CTNNA3: variants seen among roughly 807,000 people sequenced by gnomAD.
CTNNA3 encodes the protein catenin alpha 3.
CTNNA3 carries 76 observed loss-of-function variants against 95.7 expected under a neutral mutation model. The ratio of observed to expected loss-of-function variants is 0.79; its 90% CI spans 0.66 to 0.96. The LOEUF is 0.96. CTNNA3 is among the 40% of genes least tolerant of loss of function. The pLI, the probability that CTNNA3 is intolerant of heterozygous loss-of-function variation, is 0.00. For synonymous variants in CTNNA3, 431 were observed against 374.4 expected, an observed-to-expected ratio of 1.15 and a Z score of -1.74; for missense variants, 1,191 against 1,089.8, an observed-to-expected ratio of 1.09 and a Z score of -1.31.
At chr10:67,154,278 A>G (rs1861205054) in intron 7 of CTNNA3, among the ~76,000 whole-genome samples, 1 of 152,166 alleles carries the variant, frequency 6.6e-6, no homozygotes, top group Non-Finnish European at 1.5e-5. Flanking sequence ...ATCTTAAAAT[A>G]TATCGTTAAT....
At chr10:67,594,075 T>G (rs1842864399) in intron 3 of CTNNA3, among the ~76,000 whole-genome samples, 2 of 152,250 alleles carry the variant, frequency 1.3e-5, no homozygotes, top group African/African-American at 4.8e-5. Context: ...TTGTATATGT[T>G]GAACGGAACT....
intron 5 of CTNNA3, among the ~76,000 whole-genome samples, chr10:67,270,585 G>GCTGT (rs536306684): frequency 6.8e-4 from 103 of 152,132 alleles, no homozygotes; most frequent in Non-Finnish European, 1.1e-3. Flanking sequence ...TAATATAAGG[G>GCTGT]CTGTCTTAAG....
intron 12 of CTNNA3, among the ~76,000 whole-genome samples, chr10:66,326,449 G>A (rs922983552): frequency 6.6e-6 from 1 of 152,012 alleles, no homozygotes; most frequent in Non-Finnish European, 1.5e-5. Context: ...TATTCAAAAA[G>A]TACACTAACT....
intron 9 of CTNNA3, among the ~76,000 whole-genome samples, chr10:66,737,924 T>C (rs939840422): frequency 1.3e-5 from 2 of 152,224 alleles, no homozygotes; most frequent in Admixed American, 6.5e-5. Flanking sequence ...CCCAAAGTGC[T>C]GGGATTACAG....
intron 14 of CTNNA3, among the ~76,000 whole-genome samples, chr10:66,090,566 A>C: frequency 6.6e-6 from 1 of 152,054 alleles, no homozygotes; most frequent in East Asian, 1.9e-4. Flanking sequence ...CAATGACAGC[A>C]GTTAGTAAGT....
At chr10:67,426,979 T>G (rs922396408) in intron 5 of CTNNA3, among the ~76,000 whole-genome samples, 24 of 152,078 alleles carry the variant, frequency 1.6e-4, no homozygotes, top group Admixed American at 1.3e-3. Flanking sequence ...ACAGTTAACT[T>G]AATTTTGAAG....
chr10:67,755,447 A>G (rs752327331), intron 1 of CTNNA3, among the ~76,000 whole-genome samples: 7 of 152,150 alleles, frequency 4.6e-5, no homozygotes, highest in Non-Finnish European at 7.4e-5. Context: ...AGGTTCCTCA[A>G]AAGACTAAAA....
chr10:67,314,893 G>A (rs76743714), intron 5 of CTNNA3, among the ~76,000 whole-genome samples: 15 of 151,980 alleles, frequency 9.9e-5, no homozygotes, highest in East Asian at 1.9e-4. Flanking sequence ...TTTTATCAGC[G>A]ACCCAAATGA....
intron 3 of CTNNA3, among the ~76,000 whole-genome samples, chr10:67,540,432 T>C (rs1235797826): frequency 4.6e-5 from 7 of 151,958 alleles, no homozygotes; most frequent in Non-Finnish European, 1.0e-4. Context: ...TGTCCATTAC[T>C]TTTAAATAAT....
intron 5 of CTNNA3, among the ~76,000 whole-genome samples, chr10:67,249,013 A>G (rs769426706): frequency 1.2e-4 from 18 of 152,214 alleles, no homozygotes; most frequent in Non-Finnish European, 2.5e-4. Flanking sequence ...ATAGGAGTAA[A>G]TCTTTGTGAT....
chr10:66,085,886 T>C (rs1020838760), intron 14 of CTNNA3, among the ~76,000 whole-genome samples: 1 of 87,328 alleles, frequency 1.1e-5, no homozygotes, highest in African/African-American at 4.0e-5. Flanking sequence ...TATGGCACAA[T>C]CACTGCCTAA....
chr10:66,030,827 C>T (rs560380423), intron 15 of CTNNA3, among the ~76,000 whole-genome samples: 6 of 152,088 alleles, frequency 3.9e-5, no homozygotes, highest in Non-Finnish European at 7.4e-5. Context: ...TCTAGAATTT[C>T]TAAGGAACTT....
rs886350419 is a variant in CTNNA3, at chr10:66,829,707, G to T, written c.1048-54183C>A. 2.8e-5 allele frequency among the ~76,000 whole-genome samples: 4 copies of T among 140,746 alleles called. No individual in the cohort carries two copies. The East Asian group carries it at 6.1e-4, about 21-fold the overall frequency. The allele number at this position is 140,746 out of a possible 152,430, so 92.3% of individuals were successfully genotyped here. A position where few individuals can be genotyped will look rare whatever the true frequency, so the allele number is the denominator to read the frequency against. On this transcript the variant is annotated intron_variant, in intron 7 of 17. Transcript: ENST00000433211. ...TAACATTTTGGAAAAAAAAAAAAAA[G>T]GACTAGTGCAATTTCATGAACCACA...
chr10:67,353,850 TG>T (rs1842721012), intron 5 of CTNNA3, among the ~76,000 whole-genome samples: 1 of 152,006 alleles, frequency 6.6e-6, no homozygotes. Context: ...AAGACTGGAA[TG>T]AAGAGGAAGG....
intron 7 of CTNNA3, among the ~76,000 whole-genome samples, chr10:67,064,799 C>T (rs1208581365): frequency 6.6e-6 from 1 of 151,616 alleles, no homozygotes; most frequent in Non-Finnish European, 1.5e-5. Flanking sequence ...TTTTACTTCA[C>T]ATACATTAGA....
At chr10:66,954,566 T>C (rs1589484486) in intron 7 of CTNNA3, among the ~76,000 whole-genome samples, 1 of 152,142 alleles carries the variant, frequency 6.6e-6, no homozygotes, top group Non-Finnish European at 1.5e-5. Flanking sequence ...TGGATGAATA[T>C]GAATACATAA....
At chr10:67,440,483 T>A (rs1846463372) in intron 5 of CTNNA3, among the ~76,000 whole-genome samples, 1 of 152,124 alleles carries the variant, frequency 6.6e-6, no homozygotes, top group African/African-American at 2.4e-5. Flanking sequence ...AACCCTAGAA[T>A]GAGCTAGTCA....
At chr10:66,870,005 A>G (rs185658000) in intron 7 of CTNNA3, among the ~76,000 whole-genome samples, 5 of 152,350 alleles carry the variant, frequency 3.3e-5, no homozygotes, top group African/African-American at 1.2e-4. Flanking sequence ...CTTCTAACAT[A>G]CTACTGTCAG....
chr10:67,124,333 G>GGTGT (rs141981196), intron 7 of CTNNA3, among the ~76,000 whole-genome samples: 8,631 of 141,774 alleles, frequency 0.061, 290 homozygotes, highest in Middle Eastern at 0.12. Flanking sequence ...GTGTGTTAGC[G>GGTGT]GTGTGTGTGT....
Sources: allele counts gnomAD v4.1 joint callset (sites outside exome capture counted in the v4.1 genomes callset), GRCh38; gene constraint gnomAD v4.1.1; transcripts MANE v1.5; gene names NCBI Gene and HGNC (gene_info 2026-07-23, HGNC 2026-07-21).